Variants in AFF2 observed in about 807,000 individuals in gnomAD.
AFF2 encodes AF4/FMR2 family member 2.
AFF2 carries 14 observed loss-of-function variants against 76.9 expected under a neutral mutation model. The ratio of observed to expected loss-of-function variants is 0.18; its 90% CI spans 0.12 to 0.28. The LOEUF (loss-of-function observed/expected upper bound fraction) is 0.28. Ranked by LOEUF, AFF2 falls within the 10% of genes least tolerant of loss-of-function variation. AFF2 has a pLI of 1.00. For missense variants in AFF2, 868 were observed against 1,001.1 expected, an observed-to-expected ratio of 0.87 and a Z score of 1.79; for synonymous variants, 398 against 366.7, an observed-to-expected ratio of 1.09 and a Z score of -0.98.
At chrX:148,566,982 C>T (rs1268696700) in intron 1 of AFF2, among the ~76,000 whole-genome samples, 1 of 111,606 alleles carries the variant, frequency 9.0e-6, no homozygotes, top group East Asian at 2.8e-4. Context: ...TGTGTAATGC[C>T]TGTCTGCCAT....
chrX:148,695,281 T>C (rs2054706488), intron 3 of AFF2, among the ~76,000 whole-genome samples: 1 of 112,201 alleles, frequency 8.9e-6, no homozygotes, highest in Non-Finnish European at 1.9e-5. Flanking sequence ...AGAGAGACTA[T>C]GCATTTGGAT....
At chrX:148,644,944 A>G (rs2054130395) in intron 1 of AFF2, among the ~76,000 whole-genome samples, 1 of 112,131 alleles carries the variant, frequency 8.9e-6, no homozygotes, top group Non-Finnish European at 1.9e-5. Flanking sequence ...TTGTGAACCA[A>G]GTGATAGAAG....
chrX:148,860,597 C>T (rs183860557), intron 7 of AFF2, among the ~76,000 whole-genome samples: 3 of 112,130 alleles, frequency 2.7e-5, no homozygotes, highest in African/African-American at 9.7e-5. Context: ...ATCTTGAATA[C>T]AGAAGACGCA....
chrX:148,581,171 A>G (rs373054691), intron 1 of AFF2, among the ~76,000 whole-genome samples: 5,128 of 63,466 alleles, frequency 0.081, 285 homozygotes, highest in Non-Finnish European at 0.11. Context: ...ACACACATAC[A>G]TATACGTATA....
At chrX:148,701,022 G>GAA (rs137857151) in intron 3 of AFF2, among the ~76,000 whole-genome samples, 27 of 106,859 alleles carry the variant, frequency 2.5e-4, no homozygotes, top group African/African-American at 7.6e-4. Flanking sequence ...ATGTGTGTGT[G>GAA]TGTGTGTGTG....
At chrX:148,899,134 A>G (rs1247105201) in intron 8 of AFF2, among the ~76,000 whole-genome samples, 1 of 111,978 alleles carries the variant, frequency 8.9e-6, no homozygotes, top group Admixed American at 9.5e-5. Flanking sequence ...ATCTTGAGTG[A>G]CATTTTGTCC....
chrX:148,534,857 T>G (rs782010149), intron 1 of AFF2, among the ~76,000 whole-genome samples: 7 of 112,202 alleles, frequency 6.2e-5, no homozygotes, highest in Admixed American at 9.5e-5. Flanking sequence ...TTTGTCCATG[T>G]AGTTTTGTTT....
intron 1 of AFF2, among the ~76,000 whole-genome samples, chrX:148,560,358 C>T (rs1416704949): frequency 8.9e-6 from 1 of 111,897 alleles, no homozygotes; most frequent in Non-Finnish European, 1.9e-5. Flanking sequence ...GGACCCCTTC[C>T]TTACACCTTA....
At chrX:148,845,126 C>CAA (rs1457573417) in intron 7 of AFF2, among the ~76,000 whole-genome samples, 1 of 36,024 alleles carries the variant, frequency 2.8e-5, no homozygotes, top group Admixed American at 4.8e-4. Flanking sequence ...CACATACACA[C>CAA]ACACACACAC....
At chrX:148,564,015 G>A (rs2053142157) in intron 1 of AFF2, among the ~76,000 whole-genome samples, 1 of 111,729 alleles carries the variant, frequency 9.0e-6, no homozygotes, top group South Asian at 3.8e-4. Context: ...GACACAAAAA[G>A]GAAAATAAAA....
At chrX:148,980,812 CT>C in intron 19 of AFF2, 22 bp downstream of exon 19, 1 of 1,150,669 alleles carries the variant, frequency 8.7e-7, no homozygotes, top group Non-Finnish European at 1.2e-6. Flanking sequence ...CTGAAAATTG[CT>C]TTTTCGTGAA....
intron 3 of AFF2, among the ~76,000 whole-genome samples, chrX:148,666,805 G>A (rs892422930): frequency 1.8e-5 from 2 of 110,907 alleles, no homozygotes; most frequent in Non-Finnish European, 3.8e-5. Flanking sequence ...TGCTTTATTA[G>A]GAAATGAATT....
At chrX:148,540,585 C>T (rs782448741) in intron 1 of AFF2, among the ~76,000 whole-genome samples, 3 of 110,955 alleles carry the variant, frequency 2.7e-5, no homozygotes, top group African/African-American at 9.9e-5. Context: ...ACTGAGCTTC[C>T]CCCTAAGCAG....
intron 18 of AFF2, 148 bp downstream of exon 18, chrX:148,978,603 C>T: frequency 2.3e-6 from 1 of 431,149 alleles, no homozygotes; most frequent in Admixed American, 3.9e-5. Context: ...TCCTTAAGGG[C>T]TCAGCAAGGA....
rs2053268045 is a variant in AFF2 at position 148,574,941 on chromosome X, GGGGTGTGTGT to G, written c.47+73799_47+73808del. Among the ~76,000 whole-genome samples, 3 of 68,914 alleles carry G rather than the reference GGGGTGTGTGT, an allele frequency of 4.4e-5. No individual in the cohort carries two copies. The Admixed American group carries it at 5.6e-4, about 13-fold the overall frequency. 59.8% of individuals were successfully genotyped at this position (68,914 alleles called of 115,157 possible). On this transcript the variant is annotated intron_variant, in intron 1 of 20. Coordinates refer to ENST00000370460, the MANE Select transcript of AFF2 (RefSeq NM_002025.4). ...GATTCATAAATACATACATAGTGCT[GGGGTGTGTGT>G]GTGTGTGTGTGTGTGTGTGTGTGTG... is the stretch of plus-strand genomic sequence containing the variant.
At chrX:148,755,281 C>G (rs1391628487) in intron 3 of AFF2, among the ~76,000 whole-genome samples, 1 of 112,090 alleles carries the variant, frequency 8.9e-6, no homozygotes, top group African/African-American at 3.2e-5. Flanking sequence ...AATGCTTTGT[C>G]TGTGCTTAAT....
At chrX:148,912,826 T>A (rs1352014432) in intron 9 of AFF2, among the ~76,000 whole-genome samples, 1 of 111,335 alleles carries the variant, frequency 9.0e-6, no homozygotes, top group Non-Finnish European at 1.9e-5. Flanking sequence ...GTGAGATACA[T>A]GAAGCTAAGT....
Position 148,528,293 on chromosome X carries a change from A to T in AFF2, c.47+27149A>T, listed in dbSNP as rs1280997549. ...TTAGATATTTTTCTACTTTGGGAAA[A>T]CTTTAGCACACTAGTCAATTATATA... is the stretch of plus-strand genomic sequence containing the variant. On this transcript the variant is annotated intron_variant, in intron 1 of 20. Transcript: ENST00000370460. Among the ~76,000 whole-genome samples, 24 of 111,804 alleles carry T rather than the reference A, an allele frequency of 2.1e-4. No individual in the cohort carries two copies. The Admixed American group carries it at 2.3e-3, about 11-fold the overall frequency.
chrX:148,978,089 CA>C, intron 17 of AFF2, 85 bp downstream of exon 17: 1 of 646,827 alleles, frequency 1.5e-6, no homozygotes, highest in Non-Finnish European at 2.5e-6. Context: ...CTGCTTACCC[CA>C]GATCATTACT....
Sources: allele counts gnomAD v4.1 joint callset (sites outside exome capture counted in the v4.1 genomes callset), GRCh38; gene constraint gnomAD v4.1.1; transcripts MANE v1.5; gene names NCBI Gene and HGNC (gene_info 2026-07-23, HGNC 2026-07-21).